The following ADAMTS17 variants were observed in gnomAD, a reference collection of about 807,000 sequenced individuals.
The protein encoded by ADAMTS17 is ADAM metallopeptidase with thrombospondin type 1 motif 17, also known as A disintegrin and metalloproteinase with thrombospondin motifs 17.
In ADAMTS17, 113 loss-of-function variants were observed where a neutral mutation model predicts 141.5. That is an observed-to-expected ratio of 0.80 (90% CI 0.69 to 0.93). ADAMTS17 has a LOEUF of 0.93. Ranked by LOEUF, ADAMTS17 falls within the 40% of genes least tolerant of loss-of-function variation. The probability of loss-of-function intolerance (pLI) is 0.00; values close to 1 mark genes in which losing one functional copy is unlikely to be tolerated. For synonymous variants in ADAMTS17, 768 were observed against 630.6 expected (o/e 1.22, Z -3.27); for missense variants, 1,659 against 1,517.9 (o/e 1.09, Z -1.54).
At chr15:100,310,829 C>A (rs2045379901) in intron 3 of ADAMTS17, among the ~76,000 whole-genome samples, 2 of 152,212 alleles carry the variant, frequency 1.3e-5, no homozygotes, top group African/African-American at 2.4e-5. Context: ...GGTACCAGCT[C>A]CTTCAGCCCA....
intron 15 of ADAMTS17, among the ~76,000 whole-genome samples, chr15:100,061,300 C>T (rs1411921578): frequency 6.6e-6 from 1 of 152,174 alleles, no homozygotes; most frequent in African/African-American, 2.4e-5. Flanking sequence ...CACCAAGCCC[C>T]CTGAAGCTTC....
At chr15:100,106,884 C>T (rs553950308) in intron 14 of ADAMTS17, among the ~76,000 whole-genome samples, 233 of 152,302 alleles carry the variant, frequency 1.5e-3, no homozygotes, top group Non-Finnish European at 2.6e-3. Context: ...ACGGGCAGGG[C>T]CTTGGACATT....
intron 15 of ADAMTS17, among the ~76,000 whole-genome samples, chr15:100,091,609 G>C (rs1338141020): frequency 6.6e-6 from 1 of 152,174 alleles, no homozygotes; most frequent in Non-Finnish European, 1.5e-5. Flanking sequence ...ATTTGTGTCT[G>C]AATTTCTCAA....
Position 99,997,684 on chromosome 15 carries a change from G to T in ADAMTS17, c.2592-95C>A. 1 of 1,506,394 alleles carries T rather than the reference G, an allele frequency of 6.6e-7. No individual in the cohort carries two copies. 93.3% of individuals were successfully genotyped at this position (1,506,394 alleles called of 1,614,324 possible). A position where few individuals can be genotyped will look rare whatever the true frequency, so the allele number is the denominator to read the frequency against. On this transcript the variant is annotated intron_variant, in intron 18 of 21. Coordinates refer to ENST00000268070, the MANE Select transcript of ADAMTS17 (RefSeq NM_139057.4). This position sits in a 1 kb window ranked among gnomAD's most constrained non-coding sequence, Gnocchi z 4.7. Reference sequence around the variant, plus strand: ...CCGGATCCTGGAATTGCTGCCCTGTGGTGGGAGAGAGGGAGGCAGACTCAG... The same window carrying T: ...CCGGATCCTGGAATTGCTGCCCTGTTGTGGGAGAGAGGGAGGCAGACTCAG...
chr15:100,136,968 G>A (rs1324606954), intron 10 of ADAMTS17, among the ~76,000 whole-genome samples: 2 of 152,228 alleles, frequency 1.3e-5, no homozygotes, highest in Non-Finnish European at 2.9e-5. Context: ...TGGAGTGAGT[G>A]ATGCTGATAC....
At position 100,281,206 on chromosome 15, in the gene ADAMTS17, C is replaced by G. The variant is rs1468047875; in HGVS notation, c.789+23G>C. The G allele has an allele frequency of 2.5e-6, 4 of 1,601,106 alleles. No individual in the cohort carries two copies. In the African/African-American group the frequency reaches 5.3e-5, roughly 21 times the overall value. ...AAGGAGAAAACAGAGCCCCCCACAT[C>G]AGGACCCCGGCTCCGGACTCACCAT... On this transcript the variant is annotated intron_variant, in intron 4 of 21. Coordinates refer to ENST00000268070, the MANE Select transcript of ADAMTS17 (RefSeq NM_139057.4).
rs147316982 is a variant in ADAMTS17 at position 100,048,930 on chromosome 15, C to G, written c.2518G>C (p.Asp840His). Residue 840 changes from aspartate to histidine, a missense_variant, in exon 18 of 22, where the codon GAC becomes CAC. Physicochemically the swap from Asp to His is moderately conservative, Grantham distance 81. Transcript: ENST00000268070. ...CGGCTTGCTTGAGGGCAGTCACTGT[C>G]GTTCACCAGAGTTGTGGTCTTGTTG... ...IVNKTTTLVN[D>H]SDCPQASRPE... 3 of 1,614,018 alleles carry G rather than the reference C, an allele frequency of 1.9e-6. No individual in the cohort carries two copies. Among genetic ancestry groups the G allele is most frequent in the Admixed American group, 1.7e-5 (1 of 60,010 alleles).
intron 15 of ADAMTS17, among the ~76,000 whole-genome samples, chr15:100,059,299 G>GC (rs1476047855): frequency 3.3e-5 from 5 of 152,274 alleles, no homozygotes; most frequent in Non-Finnish European, 7.3e-5. Context: ...CGCAGTGGCT[G>GC]CAAGTTCTGG....
At chr15:100,273,145 C>G (rs182763964) in intron 4 of ADAMTS17, among the ~76,000 whole-genome samples, 21 of 152,056 alleles carry the variant, frequency 1.4e-4, no homozygotes, top group Non-Finnish European at 2.8e-4. Flanking sequence ...CTATTGTTTT[C>G]TTATTTATAA....
intron 3 of ADAMTS17, among the ~76,000 whole-genome samples, chr15:100,304,361 C>G (rs1046625469): frequency 1.3e-5 from 2 of 152,144 alleles, no homozygotes; most frequent in African/African-American, 4.8e-5. Context: ...TGTTTGAATG[C>G]TAGTATAATT....
intron 14 of ADAMTS17, among the ~76,000 whole-genome samples, chr15:100,104,349 T>G (rs12442513): frequency 1.1e-4 from 16 of 151,238 alleles, no homozygotes; most frequent in Non-Finnish European, 2.2e-4. Flanking sequence ...ATTTTATGAG[T>G]GCTGTTAAGT....
intron 13 of ADAMTS17, among the ~76,000 whole-genome samples, chr15:100,111,748 G>A (rs141589180): frequency 3.2e-4 from 49 of 152,326 alleles, no homozygotes; most frequent in African/African-American, 1.1e-3. Context: ...AATCATAAAC[G>A]ATATTTACTA....
At chr15:100,064,698 C>T (rs918356635) in intron 15 of ADAMTS17, among the ~76,000 whole-genome samples, 18 of 152,106 alleles carry the variant, frequency 1.2e-4, no homozygotes, top group Admixed American at 7.2e-4. Flanking sequence ...GGGGCCAGGA[C>T]GGCAGGTAGG....
At chr15:100,263,058 T>C (rs2043586601) in intron 4 of ADAMTS17, among the ~76,000 whole-genome samples, 1 of 151,956 alleles carries the variant, frequency 6.6e-6, no homozygotes, top group African/African-American at 2.4e-5. Context: ...CTGGAAATAG[T>C]TGGTTAAAAA....
chr15:100,173,306 A>G (rs1400052242), intron 8 of ADAMTS17, among the ~76,000 whole-genome samples: 1 of 152,074 alleles, frequency 6.6e-6, no homozygotes, highest in Non-Finnish European at 1.5e-5. Flanking sequence ...AAGTTCATCT[A>G]TGTGCTTAGA....
Position 99,997,648 on chromosome 15 carries a change from G to A in ADAMTS17, c.2592-59C>T. 6.2e-7 allele frequency: 1 copy of A among 1,604,102 alleles called. No homozygotes were observed. Among genetic ancestry groups the A allele is most frequent in the South Asian group, 1.1e-5 (1 of 90,870 alleles). The stretch of plus-strand genomic sequence containing the variant: ...TGGGTGAGAGGCCAGCCTCTCCGGA[G>A]GGCCTTCCGGCCGGATCCTGGAATT... On this transcript the variant is annotated intron_variant, in intron 18 of 21. Transcript: ENST00000268070. The surrounding 1 kb of genome is among the most constrained non-coding windows in gnomAD (Gnocchi z 4.7).
rs540486907 is a variant in ADAMTS17, at chr15:100,246,098, G to A, written c.1075+8038C>T. Reference sequence around the variant, plus strand: ...CTCCTACACACAGTCTTTCGCAGACGCTCTCCAACGATCAGACACAACCTA... The same window carrying A: ...CTCCTACACACAGTCTTTCGCAGACACTCTCCAACGATCAGACACAACCTA... On this transcript the variant is annotated intron_variant, in intron 7 of 21. Coordinates refer to ENST00000268070, the MANE Select transcript of ADAMTS17 (RefSeq NM_139057.4). Among the ~76,000 whole-genome samples, 4 of 152,172 alleles carry A rather than the reference G, an allele frequency of 2.6e-5. No homozygotes were observed. In the South Asian group the frequency reaches 6.2e-4, roughly 24 times the overall value.
At chr15:100,230,014 C>G (rs1374377814) in intron 7 of ADAMTS17, among the ~76,000 whole-genome samples, 1 of 152,214 alleles carries the variant, frequency 6.6e-6, no homozygotes, top group African/African-American at 2.4e-5. Context: ...CTCCAACTCA[C>G]TCTGCCCCCA....
intron 14 of ADAMTS17, among the ~76,000 whole-genome samples, chr15:100,104,148 G>A (rs2036283876): frequency 6.6e-6 from 1 of 152,238 alleles, no homozygotes; most frequent in South Asian, 2.1e-4. Flanking sequence ...AATGGGCAAA[G>A]CCGCGCGTCA....
Sources: allele counts gnomAD v4.1 joint callset (sites outside exome capture counted in the v4.1 genomes callset), GRCh38; gene constraint gnomAD v4.1.1; non-coding constraint Gnocchi (gnomAD v3.1); transcripts MANE v1.5; gene names NCBI Gene and HGNC (gene_info 2026-07-23, HGNC 2026-07-21).